The following TCEANC2 variants were observed in gnomAD, a reference collection of about 807,000 sequenced individuals.
TCEANC2 encodes the protein transcription elongation factor A N-terminal and central domain containing 2.
TCEANC2 carries 20 observed loss-of-function variants against 22.8 expected under a neutral mutation model. The observed-to-expected ratio is 0.88, with a 90% CI of 0.62 to 1.28. The LOEUF (loss-of-function observed/expected upper bound fraction) is 1.28. Among genes scored for constraint, TCEANC2 ranks in the 50% most tolerant of loss-of-function variants. The probability of loss-of-function intolerance (pLI) is 0.00; values close to 1 mark genes in which losing one functional copy is unlikely to be tolerated. For missense variants in TCEANC2, 251 were observed against 249.7 expected, an observed-to-expected ratio of 1.01 and a Z score of -0.03; for synonymous variants, 84 against 95.5, an observed-to-expected ratio of 0.88 and a Z score of 0.70.
In TCEANC2 at chr1:54,096,942, TG is replaced by T. The variant is rs371774372; in HGVS notation, c.*470del. ...TCAGAACTCCCCTGTCTGTTCTCTT[TG>T]CTCTATCCCAGGGGTGAGCCTGCGA... On this transcript the variant is annotated 3_prime_UTR_variant, in exon 5 of 5. Coordinates refer to ENST00000234827, the MANE Select transcript of TCEANC2 (RefSeq NM_153035.3). This position sits in a 1 kb window ranked among gnomAD's most constrained non-coding sequence, Gnocchi z 4.9. The T allele has an allele frequency of 7.4e-5, 73 of 986,740 alleles. No homozygotes were observed. The East Asian group carries it at 3.2e-3, about 43-fold the overall frequency. The allele number at this position is 986,740 out of a possible 1,614,324, so 61.1% of individuals were successfully genotyped here.
intron 2 of TCEANC2, among the ~76,000 whole-genome samples, chr1:54,066,202 A>T (rs1248471728): frequency 6.6e-6 from 1 of 151,670 alleles, no homozygotes; most frequent in East Asian, 1.9e-4. Flanking sequence ...GTGAGCTATG[A>T]TTGTTACCAC....
chr1:54,092,484 A>G (rs1188166981), intron 4 of TCEANC2, among the ~76,000 whole-genome samples: 1 of 152,224 alleles, frequency 6.6e-6, no homozygotes, highest in Non-Finnish European at 1.5e-5. Flanking sequence ...TTTATCTGCT[A>G]TATATATGAT....
intron 3 of TCEANC2, among the ~76,000 whole-genome samples, chr1:54,078,999 G>A (rs963593630): frequency 6.6e-6 from 1 of 152,180 alleles, no homozygotes; most frequent in African/African-American, 2.4e-5. Flanking sequence ...GCCTCTGTGA[G>A]TGGATACCTT....
chr1:54,091,767 A>G (rs1281888023), intron 4 of TCEANC2, among the ~76,000 whole-genome samples: 1 of 151,968 alleles, frequency 6.6e-6, no homozygotes, highest in African/African-American at 2.4e-5. Flanking sequence ...CATCTTTTAG[A>G]TCTTTCCTCA....
At chr1:54,090,825 G>A (rs1455324593) in intron 4 of TCEANC2, among the ~76,000 whole-genome samples, 1 of 152,188 alleles carries the variant, frequency 6.6e-6, no homozygotes, top group Non-Finnish European at 1.5e-5. Flanking sequence ...CGTAGTTAAT[G>A]TGGTGGTAAA....
Position 54,101,881 on chromosome 1 carries a change from T to G in TCEANC2, c.*5408T>G, listed in dbSNP as rs1658669419. Reference sequence around the variant, plus strand: ...GACTCCTGGCCTCAAGTGAGCCTCCTGCCTTGGCCTTCCAAAGTGTTGGGA... The same window carrying G: ...GACTCCTGGCCTCAAGTGAGCCTCCGGCCTTGGCCTTCCAAAGTGTTGGGA... On this transcript the variant is annotated 3_prime_UTR_variant, in exon 5 of 5. Transcript: ENST00000234827. 1 of 152,252 alleles carries G rather than the reference T, an allele frequency of 6.6e-6. No individual in the cohort carries two copies. The highest frequency in any genetic ancestry group is 6.5e-5 in the Admixed American group (1 of 15,282). The allele number at this position is 152,252 out of a possible 1,614,324, so 9.4% of individuals were successfully genotyped here. A position where few individuals can be genotyped will look rare whatever the true frequency, so the allele number is the denominator to read the frequency against.
chr1:54,084,770 TAA>T (rs59615261), intron 3 of TCEANC2, among the ~76,000 whole-genome samples: 1 of 144,630 alleles, frequency 6.9e-6, no homozygotes, highest in African/African-American at 2.5e-5. Context: ...AAACTCCGTC[TAA>T]AAAAAAAAAA....
At chr1:54,075,065 C>G (rs1251193584) in intron 3 of TCEANC2, among the ~76,000 whole-genome samples, 1 of 152,166 alleles carries the variant, frequency 6.6e-6, no homozygotes, top group Non-Finnish European at 1.5e-5. Context: ...TTAGCAAGAG[C>G]CTTGGATCAT....
At chr1:54,083,195 A>C (rs1658278732) in intron 3 of TCEANC2, among the ~76,000 whole-genome samples, 1 of 152,158 alleles carries the variant, frequency 6.6e-6, no homozygotes, top group Non-Finnish European at 1.5e-5. Flanking sequence ...GGAGATGTCC[A>C]GTAGGGGACT....
chr1:54,069,038 A>C (rs1223289688), intron 3 of TCEANC2, 141 bp downstream of exon 3: 1 of 974,818 alleles, frequency 1.0e-6, no homozygotes, highest in Admixed American at 4.2e-5. Flanking sequence ...TGTTTAAAAA[A>C]TTATCTGTTG....
intron 3 of TCEANC2, among the ~76,000 whole-genome samples, chr1:54,082,462 C>T (rs1340517181): frequency 2.6e-5 from 4 of 152,184 alleles, no homozygotes; most frequent in East Asian, 3.8e-4. Flanking sequence ...TGGATTGTCT[C>T]TTCTGTGCTA....
At chr1:54,093,748 T>C (rs1658489757) in intron 4 of TCEANC2, among the ~76,000 whole-genome samples, 1 of 148,868 alleles carries the variant, frequency 6.7e-6, no homozygotes, top group Admixed American at 6.6e-5. Flanking sequence ...TTTTTTTTTT[T>C]TAATACAGGT....
At chr1:54,073,413 T>A (rs1193076879) in intron 3 of TCEANC2, among the ~76,000 whole-genome samples, 1 of 152,218 alleles carries the variant, frequency 6.6e-6, no homozygotes, top group Non-Finnish European at 1.5e-5. Flanking sequence ...TACCTCAGTA[T>A]GAGAGTCCCA....
chr1:54,054,458 G>A lies in TCEANC2; in HGVS notation c.36G>A (p.Gln12=). ...TCGTCATTCGAACGCCTAGAATCCA[G>A]AATAGCCCTCAGAAGAAAGATTCTG... ...DKFVIRTPRI[Q]NSPQKKDSGG... Residue 12 remains glutamine, a synonymous_variant, in exon 2 of 5, where the codon CAG becomes CAA. Coordinates refer to ENST00000234827, the MANE Select transcript of TCEANC2 (RefSeq NM_153035.3). 6.2e-7 allele frequency: 1 copy of A among 1,614,092 alleles called. No homozygotes were observed. Among genetic ancestry groups the A allele is most frequent in the South Asian group, 1.1e-5 (1 of 91,074 alleles).
intron 3 of TCEANC2, among the ~76,000 whole-genome samples, chr1:54,077,389 T>A (rs999814701): frequency 9.9e-5 from 15 of 152,040 alleles, no homozygotes; most frequent in South Asian, 2.1e-4. Flanking sequence ...GGGAAAAGCA[T>A]TCCAAGCTGT....
chr1:54,067,296 G>A (rs551766793), intron 2 of TCEANC2, among the ~76,000 whole-genome samples: 1 of 152,294 alleles, frequency 6.6e-6, no homozygotes, highest in East Asian at 1.9e-4. Flanking sequence ...TACTTGGAAG[G>A]ACACTGGGAT....
intron 4 of TCEANC2, among the ~76,000 whole-genome samples, chr1:54,093,756 G>T (rs1388653980): frequency 6.7e-6 from 1 of 148,596 alleles, no homozygotes; most frequent in African/African-American, 2.5e-5. Flanking sequence ...TTTTAATACA[G>T]GTACTATAAT....
chr1:54,062,550 C>A (rs923000422), intron 2 of TCEANC2, among the ~76,000 whole-genome samples: 6 of 152,144 alleles, frequency 3.9e-5, no homozygotes, highest in Admixed American at 3.9e-4. Flanking sequence ...ATGGTTCCAG[C>A]CCTTAAGGGA....
intron 2 of TCEANC2, among the ~76,000 whole-genome samples, chr1:54,056,332 G>A (rs761954958): frequency 2.7e-5 from 4 of 148,058 alleles, no homozygotes; most frequent in African/African-American, 5.2e-5. Context: ...TTTTTGAGAC[G>A]GAGTTTTGCA....
Sources: allele counts gnomAD v4.1 joint callset (sites outside exome capture counted in the v4.1 genomes callset), GRCh38; gene constraint gnomAD v4.1.1; non-coding constraint Gnocchi (gnomAD v3.1); transcripts MANE v1.5; gene names NCBI Gene and HGNC (gene_info 2026-07-23, HGNC 2026-07-21).